Variants in JAKMIP1 observed in about 807,000 individuals in gnomAD.
JAKMIP1 encodes the protein janus kinase and microtubule-interacting protein 1.
In JAKMIP1, 33 loss-of-function variants were observed where a neutral mutation model predicts 113.0. The observed-to-expected ratio is 0.29, with a 90% confidence interval of 0.22 to 0.39. The LOEUF (loss-of-function observed/expected upper bound fraction) is 0.39. Ranked by LOEUF, JAKMIP1 falls within the 10% of genes least tolerant of loss-of-function variation. JAKMIP1 has a pLI of 1.00. For synonymous variants in JAKMIP1, 480 were observed against 459.9 expected (o/e 1.04, Z -0.56); for missense variants, 813 against 1,080.5 (o/e 0.75, Z 3.47).
At chr4:6,110,934 G>A (rs1398721518) in intron 2 of JAKMIP1, among the ~76,000 whole-genome samples, 1 of 151,236 alleles carries the variant, frequency 6.6e-6, no homozygotes, top group Non-Finnish European at 1.5e-5. Context: ...GACCTGGCCT[G>A]TTGACCTGGC....
At chr4:6,173,035 G>A (rs1014365041) in intron 1 of JAKMIP1, among the ~76,000 whole-genome samples, 20 of 152,166 alleles carry the variant, frequency 1.3e-4, no homozygotes, top group African/African-American at 4.1e-4. Flanking sequence ...AGGCTAACCC[G>A]ATTAACAAAG....
At chr4:6,027,269 G>C (rs1711978756) in intron 20 of JAKMIP1, among the ~76,000 whole-genome samples, 1 of 152,058 alleles carries the variant, frequency 6.6e-6, no homozygotes, top group Non-Finnish European at 1.5e-5. Context: ...CCCAAAACAA[G>C]GTAATATCTC....
At chr4:6,161,093 T>A (rs1218938085) in intron 1 of JAKMIP1, among the ~76,000 whole-genome samples, 2 of 136,580 alleles carry the variant, frequency 1.5e-5, no homozygotes, top group Admixed American at 1.4e-4. Flanking sequence ...TCCTCCGAGC[T>A]CCACTCACCT....
At chr4:6,099,952 G>C (rs73795724) in intron 3 of JAKMIP1, among the ~76,000 whole-genome samples, 12,297 of 152,170 alleles carry the variant, frequency 0.081, 676 homozygotes, top group African/African-American at 0.16. Context: ...AGCACTGTTA[G>C]CTTTTTAATT....
chr4:6,113,720 G>A (rs751285622), intron 1 of JAKMIP1, among the ~76,000 whole-genome samples: 62 of 152,148 alleles, frequency 4.1e-4, no homozygotes, highest in Non-Finnish European at 8.1e-4. Context: ...CGGAAAGCCC[G>A]CCTCTGCTCT....
Position 6,081,841 on chromosome 4 carries a change from C to T in JAKMIP1, c.955-86G>A. On this transcript the variant is annotated intron_variant, in intron 5 of 20. Transcript: ENST00000409021. The surrounding 1 kb of genome is among the most constrained non-coding windows in gnomAD (Gnocchi z 4.6). The stretch of plus-strand genomic sequence containing the variant: ...GCACCGAGGTGAGCAGAGACTCAAC[C>T]CAGTTAGGACCCCTTCTGAGGCCAG... 1 of 1,477,740 alleles carries T rather than the reference C, an allele frequency of 6.8e-7. No individual in the cohort carries two copies. Among genetic ancestry groups the T allele is most frequent in the Non-Finnish European group, 9.3e-7 (1 of 1,073,960 alleles). 91.5% of individuals were successfully genotyped at this position (1,477,740 alleles called of 1,614,324 possible).
rs1156783496 is a variant in JAKMIP1, at chr4:6,188,777, T to C, written c.-148+11476A>G. 6.6e-6 allele frequency among the ~76,000 whole-genome samples: 1 copy of C among 152,106 alleles called. No homozygotes were observed. The highest frequency in any genetic ancestry group is 1.5e-5 in the Non-Finnish European group (1 of 68,022). Reference sequence around the variant, plus strand: ...TCTTGCATTTGTCCCTATAGAAAAATCCGGGGCTCTGCAATACACAGGCTC... The same window carrying C: ...TCTTGCATTTGTCCCTATAGAAAAACCCGGGGCTCTGCAATACACAGGCTC... On this transcript the variant is annotated intron_variant, in intron 1 of 20. Coordinates refer to ENST00000409021, the MANE Select transcript of JAKMIP1 (RefSeq NM_001099433.2). This position sits in a 1 kb window ranked among gnomAD's most constrained non-coding sequence, Gnocchi z 5.8.
rs915853213 is a variant in JAKMIP1 at position 6,193,211 on chromosome 4, C to A, written c.-148+7042G>T. Among the ~76,000 whole-genome samples, 1 of 152,150 alleles carries A rather than the reference C, an allele frequency of 6.6e-6. No individual in the cohort carries two copies. The highest frequency in any genetic ancestry group is 2.4e-5 in the African/African-American group (1 of 41,422). ...CTCTTGGACCTACACCAGTGGTTTG[C>A]CAGGGGCTCTAAGGCCTTTGGCCAC... On this transcript the variant is annotated intron_variant, in intron 1 of 20. Transcript: ENST00000409021. This position sits in a 1 kb window ranked among gnomAD's most constrained non-coding sequence, Gnocchi z 6.4.
intron 1 of JAKMIP1, among the ~76,000 whole-genome samples, chr4:6,120,764 C>G (rs1716594358): frequency 6.6e-6 from 1 of 152,214 alleles, no homozygotes; most frequent in Admixed American, 6.5e-5. Context: ...CCCAGGCCAG[C>G]TTCAGCTCCT....
chr4:6,119,899 C>A (rs1166446143), intron 1 of JAKMIP1, among the ~76,000 whole-genome samples: 1 of 152,212 alleles, frequency 6.6e-6, no homozygotes, highest in Non-Finnish European at 1.5e-5. Context: ...GGTCTCCTGC[C>A]TCCAGCCCCA....
At position 6,194,494 on chromosome 4, in the gene JAKMIP1, C is replaced by G. The variant is rs2109065916; in HGVS notation, c.-148+5759G>C. 1 of 152,264 alleles carries G rather than the reference C, an allele frequency of 6.6e-6. No individual in the cohort carries two copies. The highest frequency in any genetic ancestry group is 2.4e-5 in the African/African-American group (1 of 41,526). 9.4% of individuals were successfully genotyped at this position (152,264 alleles called of 1,614,324 possible). A position where few individuals can be genotyped will look rare whatever the true frequency, so the allele number is the denominator to read the frequency against. ...AAGATAGTGGAAAGCTACTTACCAG[C>G]TCACTCCTTGCCTCCACTGTCAACT... On this transcript the variant is annotated intron_variant, in intron 1 of 20. Transcript: ENST00000409021. The surrounding 1 kb of genome is among the most constrained non-coding windows in gnomAD (Gnocchi z 7.4).
In JAKMIP1 at chr4:6,141,157, C is replaced by A. The variant is rs559438003; in HGVS notation, c.-147-28160G>T. On this transcript the variant is annotated intron_variant, in intron 1 of 20. Coordinates refer to ENST00000409021, the MANE Select transcript of JAKMIP1 (RefSeq NM_001099433.2). The surrounding 1 kb of genome is among the most constrained non-coding windows in gnomAD (Gnocchi z 9.4). Reference sequence around the variant, plus strand: ...CAACATTTAAAGTGGTAGACGAGGCCGGGCGCAGTGGCTCATGCCTGTAAT... The same window carrying A: ...CAACATTTAAAGTGGTAGACGAGGCAGGGCGCAGTGGCTCATGCCTGTAAT... Among the ~76,000 whole-genome samples, 7 of 152,280 alleles carry A rather than the reference C, an allele frequency of 4.6e-5. No individual in the cohort carries two copies. Among genetic ancestry groups the A allele is most frequent in the African/African-American group, 1.7e-4 (7 of 41,536 alleles).
chr4:6,068,411 CA>C (rs1718475647), intron 8 of JAKMIP1, among the ~76,000 whole-genome samples: 1 of 152,258 alleles, frequency 6.6e-6, no homozygotes, highest in African/African-American at 2.4e-5. Context: ...AAACCAAACA[CA>C]AAAGGGCAGT....
chr4:6,091,942 C>A (rs1722116255), intron 3 of JAKMIP1, among the ~76,000 whole-genome samples: 1 of 152,154 alleles, frequency 6.6e-6, no homozygotes, highest in Non-Finnish European at 1.5e-5. Context: ...GGGCCCCCAG[C>A]CCCAGTTTAC....
At chr4:6,117,827 T>G (rs1560216241) in intron 1 of JAKMIP1, among the ~76,000 whole-genome samples, 1 of 152,230 alleles carries the variant, frequency 6.6e-6, no homozygotes, top group Non-Finnish European at 1.5e-5. Context: ...CCATTTGCTT[T>G]TGAAAGAAGA....
At chr4:6,177,613 T>A (rs1725508234) in intron 1 of JAKMIP1, among the ~76,000 whole-genome samples, 1 of 152,210 alleles carries the variant, frequency 6.6e-6, no homozygotes, top group Non-Finnish European at 1.5e-5. Flanking sequence ...TTCTCTGTCC[T>A]GAGGCTGTTG....
chr4:6,038,365 C>T lies in JAKMIP1; in HGVS notation c.2176-2258G>A, dbSNP rs552356344. Among the ~76,000 whole-genome samples, 90 of 126,394 alleles carry T rather than the reference C, an allele frequency of 7.1e-4. 7 individuals carry two copies. Among genetic ancestry groups the T allele is most frequent in the African/African-American group, 1.4e-3 (40 of 28,376 alleles). The allele number at this position is 126,394 out of a possible 152,430, so 82.9% of individuals were successfully genotyped here. On this transcript the variant is annotated intron_variant, in intron 18 of 20. Coordinates refer to ENST00000409021, the MANE Select transcript of JAKMIP1 (RefSeq NM_001099433.2). ...GGCAGAGGTTAACCCAGTAGCCCTCCGTCACTGAGGCAGAGGCTAACCCAA... is the reference window on the plus strand; with the variant it reads ...GGCAGAGGTTAACCCAGTAGCCCTCTGTCACTGAGGCAGAGGCTAACCCAA...
Position 6,097,027 on chromosome 4 carries a change from A to G in JAKMIP1, c.624+8446T>C, listed in dbSNP as rs757533822. Among the ~76,000 whole-genome samples the G allele has an allele frequency of 1.3e-5, 2 of 151,896 alleles. No individual in the cohort carries two copies. Among genetic ancestry groups the G allele is most frequent in the Non-Finnish European group, 2.9e-5 (2 of 67,968 alleles). On this transcript the variant is annotated intron_variant, in intron 3 of 20. Coordinates refer to ENST00000409021, the MANE Select transcript of JAKMIP1 (RefSeq NM_001099433.2). This position sits in a 1 kb window ranked among gnomAD's most constrained non-coding sequence, Gnocchi z 4.3. ...GAATGTATTTATTTATTCAAGACAG[A>G]CTCTCTCTCTGTCACCCAGGCTGGA...
In JAKMIP1 at chr4:6,162,538, A is replaced by T. The variant is rs1723096052; in HGVS notation, c.-148+37715T>A. Among the ~76,000 whole-genome samples the T allele has an allele frequency of 6.6e-6, 1 of 152,192 alleles. No individual in the cohort carries two copies. The highest frequency in any genetic ancestry group is 1.5e-5 in the Non-Finnish European group (1 of 68,026). On this transcript the variant is annotated intron_variant, in intron 1 of 20. Transcript: ENST00000409021. This position sits in a 1 kb window ranked among gnomAD's most constrained non-coding sequence, Gnocchi z 5.6. ...TTTCATTCCAAAAAGAGAATGCAGTATTAGTGTTCTGATTAGCAGGTTAAC... is the reference window on the plus strand; with the variant it reads ...TTTCATTCCAAAAAGAGAATGCAGTTTTAGTGTTCTGATTAGCAGGTTAAC...
Sources: gnomAD v4.1 joint callset for allele counts (sites outside exome capture counted in the v4.1 genomes callset) on GRCh38, gnomAD v4.1.1 for gene constraint, Gnocchi (gnomAD v3.1) non-coding constraint, MANE v1.5 for transcripts, NCBI Gene and HGNC (gene_info 2026-07-23, HGNC 2026-07-21) for gene names.